Variants in ANKRD36 observed in about 807,000 individuals in gnomAD.
ANKRD36 encodes the protein ankyrin repeat domain-containing protein 36A.
ANKRD36 carries 179 observed loss-of-function variants against 278.1 expected under a neutral mutation model. The observed-to-expected ratio is 0.64, with a 90% CI of 0.57 to 0.73. The LOEUF is 0.73. Ranked by LOEUF, ANKRD36 falls within the 30% of genes least tolerant of loss-of-function variation. ANKRD36 has a pLI of 0.00. For synonymous variants in ANKRD36, 320 were observed against 641.1 expected (o/e 0.50, Z 7.57); for missense variants, 1,159 against 1,956.7 (o/e 0.59, Z 7.69).
chr2:97,152,347 G>T (rs1373438991), intron 13 of ANKRD36, among the ~76,000 whole-genome samples, 157 bp from the exon 14 acceptor site: 1 of 150,134 alleles, frequency 6.7e-6, no homozygotes, highest in Non-Finnish European at 1.5e-5. Flanking sequence ...TGTTACCCAG[G>T]CTGGTCTCAA....
chr2:97,203,186 CT>C (rs1396391144), intron 48 of ANKRD36, among the ~76,000 whole-genome samples: 1 of 151,744 alleles, frequency 6.6e-6, no homozygotes, highest in Non-Finnish European at 1.5e-5. Context: ...CATGAAACTT[CT>C]TTAGAGAACA....
At chr2:97,128,188 G>A (rs968073086) in intron 6 of ANKRD36, among the ~76,000 whole-genome samples, 2 of 150,910 alleles carry the variant, frequency 1.3e-5, no homozygotes, top group Admixed American at 6.7e-5. Context: ...AGATGCAGAC[G>A]TAGAATGATG....
chr2:97,141,149 C>G (rs1203422114), intron 6 of ANKRD36, among the ~76,000 whole-genome samples: 1 of 150,830 alleles, frequency 6.6e-6, no homozygotes. Context: ...TTATATCAAA[C>G]TAGCTTTAGA....
chr2:97,187,865 G>A (rs1314233904), intron 32 of ANKRD36, among the ~76,000 whole-genome samples: 1 of 151,840 alleles, frequency 6.6e-6, no homozygotes, highest in East Asian at 2.0e-4. Context: ...TTTTCCCAAG[G>A]AAGATGGATT....
In ANKRD36 at chr2:97,230,712, G is replaced by A. The variant is rs201677267; in HGVS notation, c.3952-3018G>A. Among the ~76,000 whole-genome samples, 155 of 152,146 alleles carry A rather than the reference G, an allele frequency of 1.0e-3. 1 individual carries two copies. The East Asian group carries it at 0.019, about 18-fold the overall frequency. On this transcript the variant is annotated intron_variant, in intron 67 of 75. Transcript: ENST00000420699. ...TGCATTCCTTTGGAAGAGGAGAGGC[G>A]CTCTGCTTTTTAGAGTTTCCAGTTT... is the stretch of plus-strand genomic sequence containing the variant.
At chr2:97,176,210 T>C (rs2054203549) in intron 22 of ANKRD36, among the ~76,000 whole-genome samples, 1 of 151,820 alleles carries the variant, frequency 6.6e-6, no homozygotes, top group African/African-American at 2.4e-5. Flanking sequence ...ATCTGTCCAA[T>C]GTTGACAGTG....
rs190338213 is a variant in ANKRD36 at position 97,187,219 on chromosome 2, C to G, written c.2063C>G (p.Ala688Gly). The G allele has an allele frequency of 6.2e-7, 1 of 1,609,692 alleles. No individual in the cohort carries two copies. ...TCAGTGTCTTCTCAGAAACAACCAG[C>G]CTTGAAGGTAATTAAACTCTCATTT... is the stretch of plus-strand genomic sequence containing the variant. ...CGTVSSQKQP[A>G]LKATTDEEDS... is the part of the protein sequence containing the mutation. The change falls in exon 31 of 76, where the codon GCC becomes GGC. Residue 688 changes from alanine to glycine, a missense_variant. Transcript: ENST00000420699.
At chr2:97,195,011 A>G (rs1173380663) in intron 40 of ANKRD36, 94 bp downstream of exon 40, 10 of 1,474,072 alleles carry the variant, frequency 6.8e-6, no homozygotes, top group Middle Eastern at 2.4e-4. Flanking sequence ...AAAGATGCAC[A>G]TTCTGATTCA....
At chr2:97,199,578 A>C (rs1458510667) in intron 44 of ANKRD36, among the ~76,000 whole-genome samples, 2 of 151,922 alleles carry the variant, frequency 1.3e-5, no homozygotes, top group African/African-American at 2.4e-5. Flanking sequence ...AAAACTGAGT[A>C]ATATCTAATG....
rs1193289884 is a variant in ANKRD36, at chr2:97,151,893, A to G, written c.1116A>G (p.Leu372=). The G allele has an allele frequency of 2.1e-6, 3 of 1,443,398 alleles. No individual in the cohort carries two copies. The highest frequency in any genetic ancestry group is 2.5e-5 in the East Asian group (1 of 40,068). 89.4% of individuals were successfully genotyped at this position (1,443,398 alleles called of 1,614,324 possible). A position where few individuals can be genotyped will look rare whatever the true frequency, so the allele number is the denominator to read the frequency against. The stretch of plus-strand genomic sequence containing the variant: ...TTTTCTTCTAGATTATTTCAAAACT[A>G]TACATCCCAAAGAGAAAGATTATTT... ...FSLESEIISK[L]YIPKRKIISP... is the part of the protein sequence containing the mutation. Residue 372 remains leucine (L), a synonymous_variant, in exon 13 of 76, where the codon CTA becomes CTG. Transcript: ENST00000420699.
chr2:97,191,220 A>G (rs1350435901), intron 36 of ANKRD36, 39 bp downstream of exon 36: 8 of 1,522,860 alleles, frequency 5.3e-6, no homozygotes, highest in South Asian at 1.2e-5. Context: ...TATTCAGTCC[A>G]GATAGATAAG....
In ANKRD36 at chr2:97,144,328, G is replaced by A. The variant is rs574089061; in HGVS notation, c.902-190G>A. Among the ~76,000 whole-genome samples the A allele has an allele frequency of 9.2e-5, 14 of 152,342 alleles. No individual in the cohort carries two copies. The East Asian group carries it at 1.9e-3, about 21-fold the overall frequency. On this transcript the variant is annotated intron_variant, in intron 8 of 75. Coordinates refer to ENST00000420699, the MANE Select transcript of ANKRD36 (RefSeq NM_001354587.1). ...ATATGAAATTGGAAGTGTTTGTTGC[G>A]TGAAGACTATACTTCTGTTTTCTAC...
chr2:97,179,704 A>G (rs2055550373), intron 22 of ANKRD36, 34 bp from the exon 23 acceptor site: 5 of 1,592,470 alleles, frequency 3.1e-6, no homozygotes, highest in Admixed American at 1.7e-5. Context: ...TCATATTTAC[A>G]TATGATTGAT....
chr2:97,211,816 G>T, intron 58 of ANKRD36, 75 bp downstream of exon 58: 5 of 1,463,780 alleles, frequency 3.4e-6, no homozygotes, highest in Non-Finnish European at 4.6e-6. Context: ...ATAAAACAGC[G>T]GGGGGTTCGT....
Position 97,144,727 on chromosome 2 carries a change from C to A in ANKRD36, c.1003+15C>A. On this transcript the variant is annotated intron_variant, in intron 10 of 75. Transcript: ENST00000420699. ...ATCTGGGACAGGTAATTTTGCAATA[C>A]ACATTTAATGCCATGTACAGTCAAG... 1 of 1,543,530 alleles carries A rather than the reference C, an allele frequency of 6.5e-7. No individual in the cohort carries two copies.
chr2:97,135,131 G>C (rs2041165544), intron 6 of ANKRD36, among the ~76,000 whole-genome samples: 1 of 152,000 alleles, frequency 6.6e-6, no homozygotes, highest in South Asian at 2.1e-4. Context: ...ATAGAATAGA[G>C]TACAGTTTTC....
chr2:97,195,628 T>C (rs540619955), intron 40 of ANKRD36, among the ~76,000 whole-genome samples: 64 of 152,004 alleles, frequency 4.2e-4, no homozygotes, highest in Middle Eastern at 3.2e-3. Flanking sequence ...GTTATAGAAA[T>C]GAGATAAACT....
At chr2:97,220,031 C>T (rs538822948) in intron 66 of ANKRD36, among the ~76,000 whole-genome samples, 3 of 132,852 alleles carry the variant, frequency 2.3e-5, no homozygotes, top group South Asian at 3.0e-4. Context: ...TTAAGCCAAT[C>T]GGATGTTCTG....
chr2:97,139,441 G>T (rs1446835932), intron 6 of ANKRD36, among the ~76,000 whole-genome samples: 1 of 151,988 alleles, frequency 6.6e-6, no homozygotes, highest in Non-Finnish European at 1.5e-5. Context: ...CAAAATGACT[G>T]CAACTTGGTC....
Sources: allele counts gnomAD v4.1 joint callset (sites outside exome capture counted in the v4.1 genomes callset), GRCh38; gene constraint gnomAD v4.1.1; transcripts MANE v1.5; gene names NCBI Gene and HGNC (gene_info 2026-07-23, HGNC 2026-07-21).